The following CYBRD1 variants were observed in gnomAD, a reference collection of about 807,000 sequenced individuals.
The protein encoded by CYBRD1 is cytochrome b reductase 1.
CYBRD1 carries 14 observed loss-of-function variants against 21.9 expected under a neutral mutation model. The ratio of observed to expected loss-of-function variants is 0.64; its 90% CI spans 0.42 to 1.00. The LOEUF (loss-of-function observed/expected upper bound fraction) is 1.00. Among genes scored for constraint, CYBRD1 ranks in the 50% least tolerant of loss-of-function variants. The pLI is 0.00. For missense variants in CYBRD1, 328 were observed against 352.5 expected, an observed-to-expected ratio of 0.93 and a Z score of 0.56; for synonymous variants, 146 against 136.5, an observed-to-expected ratio of 1.07 and a Z score of -0.48.
At chr2:171,534,153 CT>C (rs1305768544) in intron 1 of CYBRD1, among the ~76,000 whole-genome samples, 2 of 152,162 alleles carry the variant, frequency 1.3e-5, no homozygotes, top group African/African-American at 4.8e-5. Context: ...CCATCAATAT[CT>C]TTTCTTTTAA....
intron 1 of CYBRD1, among the ~76,000 whole-genome samples, chr2:171,541,357 C>G (rs1697628152): frequency 3.9e-5 from 6 of 151,968 alleles, no homozygotes. Context: ...TGAGAGGCAC[C>G]AAGGTTCATT....
chr2:171,527,503 A>C (rs1462940303), intron 1 of CYBRD1, among the ~76,000 whole-genome samples: 1 of 152,202 alleles, frequency 6.6e-6, no homozygotes, highest in Non-Finnish European at 1.5e-5. Flanking sequence ...TAAAGTAAAC[A>C]CACCCTCGCT....
chr2:171,553,537 C>A, intron 3 of CYBRD1, 37 bp downstream of exon 3: 2 of 1,571,386 alleles, frequency 1.3e-6, no homozygotes, highest in Admixed American at 1.7e-5. Flanking sequence ...AATACTTAAG[C>A]CACAAAATGT....
chr2:171,553,622 T>A, intron 3 of CYBRD1, 122 bp downstream of exon 3: 1 of 911,468 alleles, frequency 1.1e-6, no homozygotes, highest in Non-Finnish European at 1.5e-6. Flanking sequence ...AAAAATATTT[T>A]AAAGAATTTG....
At position 171,522,659 on chromosome 2, in the gene CYBRD1, TG is replaced by T; in HGVS notation, c.116del (p.Gly39AlafsTer7). On this transcript the variant is annotated frameshift_variant, in exon 1 of 4. Coordinates refer to ENST00000321348, the MANE Select transcript of CYBRD1 (RefSeq NM_024843.4). LOFTEE classifies it high-confidence loss of function. The surrounding 1 kb of genome is among the most constrained non-coding windows in gnomAD (Gnocchi z 4.3). The part of the protein sequence containing the change: ...VWVLHYREGL[G>X]WDGSALEFNW... ...GGGTCCTCCACTACCGAGAGGGGCT[TG>T]GCTGGGATGGGAGCGCACTAGAGTT... 1 of 1,613,240 alleles carries T rather than the reference TG, an allele frequency of 6.2e-7. No individual in the cohort carries two copies. Among genetic ancestry groups the T allele is most frequent in the Non-Finnish European group, 8.5e-7 (1 of 1,179,874 alleles).
At chr2:171,533,624 A>G (rs1697502596) in intron 1 of CYBRD1, among the ~76,000 whole-genome samples, 2 of 152,240 alleles carry the variant, frequency 1.3e-5, no homozygotes, top group African/African-American at 2.4e-5. Context: ...ACTTGTGTAT[A>G]TAAATAGTTT....
intron 3 of CYBRD1, among the ~76,000 whole-genome samples, chr2:171,554,049 T>C (rs1288610485): frequency 6.6e-6 from 1 of 152,272 alleles, no homozygotes; most frequent in South Asian, 2.1e-4. Context: ...CATTGGCCAG[T>C]TGGTGTTCAC....
intron 1 of CYBRD1, among the ~76,000 whole-genome samples, chr2:171,526,254 G>A (rs954565237): frequency 2.0e-5 from 3 of 151,712 alleles, no homozygotes; most frequent in African/African-American, 7.3e-5. Context: ...GCAACAGAGT[G>A]AGATTCTGTC....
At chr2:171,535,000 C>T (rs1251420047) in intron 1 of CYBRD1, among the ~76,000 whole-genome samples, 1 of 152,124 alleles carries the variant, frequency 6.6e-6, no homozygotes, top group African/African-American at 2.4e-5. Flanking sequence ...AAGATTGCGC[C>T]ACTACACTCC....
chr2:171,522,440 C>T (rs1347709887), upstream of CYBRD1: 119 of 1,529,508 alleles, frequency 7.8e-5, 1 homozygote, highest in Admixed American at 2.4e-3. This position sits in a 1 kb window ranked among gnomAD's most constrained non-coding sequence, Gnocchi z 4.3. Flanking sequence ...GCGGAGACAG[C>T]CCCAAGAAGT....
At chr2:171,532,626 C>T (rs1184559443) in intron 1 of CYBRD1, among the ~76,000 whole-genome samples, 1 of 151,868 alleles carries the variant, frequency 6.6e-6, no homozygotes, top group Admixed American at 6.6e-5. Context: ...ACGGCAAAAC[C>T]CTGTCTCTAC....
At chr2:171,548,843 G>A (rs934984801) in intron 2 of CYBRD1, among the ~76,000 whole-genome samples, 6 of 151,774 alleles carry the variant, frequency 4.0e-5, no homozygotes, top group African/African-American at 1.2e-4. Flanking sequence ...GGTGGCTCAC[G>A]CCTGTAATCC....
rs1683491520 is a variant in CYBRD1 at position 171,556,543 on chromosome 2, T to G, written c.*1716T>G. ...ACTCTACACCAAATACACTAAACATTTTGGTGCTTAGTGGATTTCTTTTTA... is the reference window on the plus strand; with the variant it reads ...ACTCTACACCAAATACACTAAACATGTTGGTGCTTAGTGGATTTCTTTTTA... On this transcript the variant is annotated 3_prime_UTR_variant, in exon 4 of 4. Coordinates refer to ENST00000321348, the MANE Select transcript of CYBRD1 (RefSeq NM_024843.4). 1 of 152,166 alleles carries G rather than the reference T, an allele frequency of 6.6e-6. No homozygotes were observed. The allele number at this position is 152,166 out of a possible 1,614,324, so 9.4% of individuals were successfully genotyped here.
chr2:171,527,751 T>G (rs886284182), intron 1 of CYBRD1, among the ~76,000 whole-genome samples: 1 of 152,182 alleles, frequency 6.6e-6, no homozygotes, highest in African/African-American at 2.4e-5. Flanking sequence ...TGTTATAATT[T>G]CTATCATCTT....
intron 2 of CYBRD1, 23 bp from the exon 3 acceptor site, chr2:171,553,322 AC>A (rs1559321642): frequency 6.2e-7 from 1 of 1,612,496 alleles, no homozygotes; most frequent in Admixed American, 1.7e-5. Flanking sequence ...TTAAATGATA[AC>A]CTTTGCACTT....
chr2:171,536,871 T>G (rs2356783), intron 1 of CYBRD1, among the ~76,000 whole-genome samples: 101,536 of 151,984 alleles, frequency 0.67, 34,365 homozygotes, highest in Non-Finnish European at 0.72. Context: ...CCTGAGTATT[T>G]TTTTTTTCTG....
chr2:171,538,674 T>C (rs1697581966), intron 1 of CYBRD1, among the ~76,000 whole-genome samples: 1 of 152,180 alleles, frequency 6.6e-6, no homozygotes, highest in African/African-American at 2.4e-5. Flanking sequence ...AAAAATGACA[T>C]CCTGTGCTGA....
At chr2:171,553,324 CT>C (rs1683420749) in intron 2 of CYBRD1, 21 bp from the exon 3 acceptor site, 1 of 1,612,524 alleles carries the variant, frequency 6.2e-7, no homozygotes, top group African/African-American at 1.3e-5. Context: ...AAATGATAAC[CT>C]TTGCACTTTT....
At chr2:171,523,187 C>T (rs1357254409) in intron 1 of CYBRD1, 2 of 354,048 alleles carry the variant, frequency 5.6e-6, no homozygotes, top group Admixed American at 3.8e-5. Flanking sequence ...ATCGGGGGCG[C>T]GGAAACACTT....
Sources: allele counts gnomAD v4.1 joint callset (sites outside exome capture counted in the v4.1 genomes callset), GRCh38; gene constraint gnomAD v4.1.1; non-coding constraint Gnocchi (gnomAD v3.1); transcripts MANE v1.5; gene names NCBI Gene and HGNC (gene_info 2026-07-23, HGNC 2026-07-21).